VTI1A: variants seen among roughly 807,000 people sequenced by gnomAD.
The protein encoded by VTI1A is vesicle transport through interaction with t-SNAREs 1A.
In VTI1A, 22 loss-of-function variants were observed where a neutral mutation model predicts 34.9. The ratio of observed to expected loss-of-function variants is 0.63; its 90% CI spans 0.45 to 0.90. VTI1A has a LOEUF of 0.90. VTI1A is among the 40% of genes least tolerant of loss of function. The pLI is 0.00. For missense variants in VTI1A, 268 were observed against 275.6 expected (o/e 0.97, Z 0.20); for synonymous variants, 87 against 97.3 (o/e 0.89, Z 0.62).
chr10:112,785,781 T>A (rs1248987638), intron 7 of VTI1A, among the ~76,000 whole-genome samples: 1 of 152,178 alleles, frequency 6.6e-6, no homozygotes, highest in African/African-American at 2.4e-5. Flanking sequence ...TAAATATAAA[T>A]GTTTATTTCT....
At chr10:112,828,892 A>G in the VTI1A span, among the ~76,000 whole-genome samples, 1 of 151,852 alleles carries the variant, frequency 6.6e-6, no homozygotes, top group Non-Finnish European at 1.5e-5. Context: ...AAGAATAAAT[A>G]TTAGACATGG....
At chr10:112,740,109 A>G (rs7915480) in intron 7 of VTI1A, among the ~76,000 whole-genome samples, 7,521 of 152,270 alleles carry the variant, frequency 0.049, 617 homozygotes, top group African/African-American at 0.17. Context: ...ATTGTAGATT[A>G]AAGATAAGAC....
the VTI1A span, among the ~76,000 whole-genome samples, chr10:112,830,849 A>ATATATATATATTTT: frequency 9.0e-5 from 3 of 33,498 alleles, no homozygotes; most frequent in Non-Finnish European, 1.5e-4. Context: ...ATATATATAT[A>ATATATATATATTTT]TTTTTTTTTT....
At chr10:112,538,679 A>T in intron 5 of VTI1A, 1 of 182,282 alleles carries the variant, frequency 5.5e-6, no homozygotes, top group African/African-American at 2.4e-5. Context: ...TTTACGTTTT[A>T]TTCACATATG....
chr10:112,475,502 A>G (rs190516668), intron 3 of VTI1A, among the ~76,000 whole-genome samples: 1 of 152,344 alleles, frequency 6.6e-6, no homozygotes, highest in African/African-American at 2.4e-5. Flanking sequence ...CAGAAGGAGC[A>G]AATTTTTGCT....
At chr10:112,828,526 C>G in the VTI1A span, among the ~76,000 whole-genome samples, 4 of 152,016 alleles carry the variant, frequency 2.6e-5, no homozygotes, top group South Asian at 2.1e-4. Flanking sequence ...CTGCCTCAGC[C>G]TCCCAAGTAG....
At chr10:112,450,729 G>A (rs549073941) in intron 1 of VTI1A, 1 of 152,322 alleles carries the variant, frequency 6.6e-6, no homozygotes, top group South Asian at 2.1e-4. Flanking sequence ...CTCTTAAAGT[G>A]TTTGAATCTT....
At chr10:112,757,219 A>G (rs1851312741) in intron 7 of VTI1A, among the ~76,000 whole-genome samples, 1 of 152,078 alleles carries the variant, frequency 6.6e-6, no homozygotes, top group Admixed American at 6.6e-5. Flanking sequence ...CTTCCATGAC[A>G]CAAAATTGCT....
chr10:112,727,608 T>A (rs1481295542), intron 7 of VTI1A, among the ~76,000 whole-genome samples: 2 of 152,146 alleles, frequency 1.3e-5, no homozygotes, highest in Non-Finnish European at 2.9e-5. Context: ...TTCGGGACGG[T>A]TTGTATTTCA....
chr10:112,713,487 T>C (rs996031452), intron 7 of VTI1A, among the ~76,000 whole-genome samples: 1 of 152,148 alleles, frequency 6.6e-6, no homozygotes. Flanking sequence ...CTTTTACCGA[T>C]GAGGAAACTG....
At chr10:112,551,020 G>A (rs1851334407) in intron 5 of VTI1A, among the ~76,000 whole-genome samples, 1 of 152,116 alleles carries the variant, frequency 6.6e-6, no homozygotes, top group Admixed American at 6.5e-5. Context: ...AAGGCGGGCG[G>A]ATCACGAGGT....
chr10:112,528,730 C>T (rs1850327343), intron 4 of VTI1A, among the ~76,000 whole-genome samples: 1 of 152,126 alleles, frequency 6.6e-6, no homozygotes, highest in South Asian at 2.1e-4. Context: ...GTTCCCATGT[C>T]AGTTCTTTAA....
chr10:112,628,663 C>T (rs564526154), intron 5 of VTI1A, among the ~76,000 whole-genome samples: 1 of 152,202 alleles, frequency 6.6e-6, no homozygotes, highest in African/African-American at 2.4e-5. Flanking sequence ...GTCTGTTCTC[C>T]TAGTATTGGA....
intron 5 of VTI1A, among the ~76,000 whole-genome samples, chr10:112,586,444 G>T (rs1296684981): frequency 6.6e-6 from 1 of 152,086 alleles, no homozygotes; most frequent in Admixed American, 6.6e-5. Flanking sequence ...GAACATTACA[G>T]GTGCAAAAGA....
At chr10:112,450,727 G>A (rs1307336126) in intron 1 of VTI1A, 1 of 152,212 alleles carries the variant, frequency 6.6e-6, no homozygotes, top group Admixed American at 6.5e-5. Flanking sequence ...TGCTCTTAAA[G>A]TGTTTGAATC....
intron 5 of VTI1A, 198 bp downstream of exon 5, chr10:112,538,528 C>T: frequency 1.9e-6 from 1 of 529,406 alleles, no homozygotes; most frequent in Non-Finnish European, 3.4e-6. Context: ...GAAAACAGTT[C>T]CTGAGGTTTA....
chr10:112,812,370 T>G (rs969299553), intron 7 of VTI1A, among the ~76,000 whole-genome samples: 4 of 152,240 alleles, frequency 2.6e-5, no homozygotes, highest in Admixed American at 1.3e-4. Flanking sequence ...GTTCCTTCGC[T>G]GCCATCTCAC....
At chr10:112,481,295 A>C (rs1314685964) in intron 3 of VTI1A, among the ~76,000 whole-genome samples, 1 of 152,250 alleles carries the variant, frequency 6.6e-6, no homozygotes, top group Non-Finnish European at 1.5e-5. Context: ...TGGGGAAAAC[A>C]GAGAAGCCGC....
chr10:112,586,609 A>T (rs151093123), intron 5 of VTI1A, among the ~76,000 whole-genome samples: 29 of 152,198 alleles, frequency 1.9e-4, no homozygotes, highest in Middle Eastern at 3.4e-3. Flanking sequence ...AGTCTTCCTT[A>T]TCTCTTTTTG....
Sources: gnomAD v4.1 joint callset for allele counts (sites outside exome capture counted in the v4.1 genomes callset) on GRCh38, gnomAD v4.1.1 for gene constraint, MANE v1.5 for transcripts, NCBI Gene and HGNC (gene_info 2026-07-23, HGNC 2026-07-21) for gene names.